CSAG1: variants seen among roughly 807,000 people sequenced by gnomAD.
The protein encoded by CSAG1 is chondrosarcoma associated gene 1, also known as chondrosarcoma-associated gene 1 protein.
In CSAG1, 4 loss-of-function variants were observed where a neutral mutation model predicts 4.8. The observed-to-expected ratio is 0.83, with a 90% CI of 0.41 to 1.90. The LOEUF (loss-of-function observed/expected upper bound fraction) is 1.90, where lower values mean the gene tolerates loss of function less well. CSAG1 is among the 40% of genes most tolerant of loss of function. The pLI is 0.03. For synonymous variants in CSAG1, 21 were observed against 23.1 expected (o/e 0.91, Z 0.26); for missense variants, 69 against 59.5 (o/e 1.16, Z -0.53).
chrX:152,727,987 A>G, intron 3 of CSAG1, 87 bp downstream of exon 3: 1 of 1,208,361 alleles, frequency 8.3e-7, no homozygotes, highest in Non-Finnish European at 1.1e-6. Context: ...CCAGGGGAGG[A>G]CAGGGTAGGA....
chrX:152,729,340 C>T (rs1287653093), intron 2 of CSAG1, among the ~76,000 whole-genome samples: 2 of 112,013 alleles, frequency 1.8e-5, no homozygotes, highest in Admixed American at 1.9e-4. Flanking sequence ...ACACCAAAAG[C>T]ATGATCAAGG....
chrX:152,730,625 G>A (rs1263082506), intron 2 of CSAG1, among the ~76,000 whole-genome samples: 1 of 112,047 alleles, frequency 8.9e-6, no homozygotes, highest in Non-Finnish European at 1.9e-5. Flanking sequence ...CCTCCAGAAT[G>A]TGAGAAATAA....
At chrX:152,730,468 T>A (rs782319006) in intron 2 of CSAG1, among the ~76,000 whole-genome samples, 15 of 111,288 alleles carry the variant, frequency 1.3e-4, no homozygotes, top group Non-Finnish European at 2.6e-4. Context: ...ATGAATGGGA[T>A]CAGTGTTTTT....
Position 152,729,516 on chromosome X carries a change from C to T in CSAG1, c.17-1292G>A, listed in dbSNP as rs1208600701. ...ACAATATATGCGAATTCTTAAAGCT[C>T]AGCGATAGAAAAAAATGAAAATAGT... On this transcript the variant is annotated intron_variant, in intron 2 of 3. Transcript: ENST00000452779. Among the ~76,000 whole-genome samples, 3 of 112,030 alleles carry T rather than the reference C, an allele frequency of 2.7e-5. No homozygotes were observed. In the East Asian group the frequency reaches 8.3e-4, roughly 31 times the overall value.
Position 152,727,670 on chromosome X carries a change from T to A in CSAG1, c.*124A>T. On this transcript the variant is annotated 3_prime_UTR_variant, in exon 4 of 4. Transcript: ENST00000452779. ...CCCAAGGAAGCACTGGAGAAGGCGG[T>A]GGTCTCCTTGCCCTTGTGGTCCTGC... 1 of 858,486 alleles carries A rather than the reference T, an allele frequency of 1.2e-6. No individual in the cohort carries two copies. The highest frequency in any genetic ancestry group is 1.7e-6 in the Non-Finnish European group (1 of 577,764). The allele number at this position is 858,486 out of a possible 1,213,427, so 70.7% of individuals were successfully genotyped here.
At chrX:152,729,087 G>A (rs1416490919) in intron 2 of CSAG1, among the ~76,000 whole-genome samples, 1 of 110,424 alleles carries the variant, frequency 9.1e-6, no homozygotes, top group Non-Finnish European at 1.9e-5. Flanking sequence ...CACACATATA[G>A]TCAGGTGATT....
intron 3 of CSAG1, 27 bp downstream of exon 3, chrX:152,728,047 A>G: frequency 8.3e-7 from 1 of 1,210,859 alleles, no homozygotes; most frequent in African/African-American, 1.7e-5. Flanking sequence ...TGGGCCAGGG[A>G]TGAGAGGATG....
Position 152,728,213 on chromosome X carries a change from C to T in CSAG1, c.28G>A (p.Ala10Thr), listed in dbSNP as rs1932065397. MSATTACWP[A>T]FTVLGEARGD... ...CGAGCTTCCCCCAGGACAGTGAAGGCAGGCCAGCAGGCTAGAAACTCACAC... is the reference window on the plus strand; with the variant it reads ...CGAGCTTCCCCCAGGACAGTGAAGGTAGGCCAGCAGGCTAGAAACTCACAC... The change falls in exon 3 of 4, where the codon GCC becomes ACC. Residue 10 changes from alanine (A) to threonine (T), a missense_variant. By Grantham distance (58) the Ala-to-Thr change is moderately conservative. Coordinates refer to ENST00000452779, the MANE Select transcript of CSAG1 (RefSeq NM_001102576.3). 8.3e-7 allele frequency: 1 copy of T among 1,208,577 alleles called. No individual in the cohort carries two copies. Among genetic ancestry groups the T allele is most frequent in the Admixed American group, 2.2e-5 (1 of 46,034 alleles).
chrX:152,732,373 A>G, intron 2 of CSAG1, 72 bp downstream of exon 2: 6 of 1,145,747 alleles, frequency 5.2e-6, no homozygotes, highest in Non-Finnish European at 5.8e-6. Context: ...AGTATAACAT[A>G]TTCATTCATG....
chrX:152,731,775 GA>G (rs1932160718), intron 2 of CSAG1, among the ~76,000 whole-genome samples: 5 of 110,628 alleles, frequency 4.5e-5, no homozygotes, highest in African/African-American at 3.3e-5. Flanking sequence ...AAATGGAGGA[GA>G]AAAAATTTGA....
intron 3 of CSAG1, 23 bp downstream of exon 3, chrX:152,728,051 G>C (rs1482011469): frequency 1.7e-6 from 2 of 1,209,227 alleles, no homozygotes; most frequent in Non-Finnish European, 2.2e-6. Context: ...CCAGGGATGA[G>C]AGGATGCTTT....
At chrX:152,732,571 A>G in intron 1 of CSAG1, 67 bp from the exon 2 acceptor site, 1 of 1,136,358 alleles carries the variant, frequency 8.8e-7, no homozygotes, top group South Asian at 1.9e-5. Context: ...TACACAACAA[A>G]ACAGGGCCAG....
chrX:152,730,423 T>C (rs1556228600), intron 2 of CSAG1, among the ~76,000 whole-genome samples: 1 of 111,494 alleles, frequency 9.0e-6, no homozygotes, highest in East Asian at 2.8e-4. Context: ...GGTGGGGTAT[T>C]TGGAGAATGA....
intron 2 of CSAG1, among the ~76,000 whole-genome samples, chrX:152,732,014 A>G (rs1371062696): frequency 2.7e-5 from 3 of 112,367 alleles, no homozygotes; most frequent in East Asian, 5.6e-4. Context: ...ACAAAAAGCT[A>G]TAAGTATCAA....
In CSAG1 at chrX:152,728,430, ACAC is replaced by A. The variant is rs1485267458; in HGVS notation, c.17-209_17-207del. On this transcript the variant is annotated intron_variant, in intron 2 of 3. Transcript: ENST00000452779. The stretch of plus-strand genomic sequence containing the variant: ...GCAACATCTAGACTACTGTTTGACC[ACAC>A]AGCTGAGCAGTATAGCCTAGACAAG... Among the ~76,000 whole-genome samples, 9 of 112,515 alleles carry A rather than the reference ACAC, an allele frequency of 8.0e-5. No individual in the cohort carries two copies. In the East Asian group the frequency reaches 2.2e-3, roughly 28 times the overall value.
At chrX:152,730,029 C>T (rs1489392270) in intron 2 of CSAG1, among the ~76,000 whole-genome samples, 1 of 54,214 alleles carries the variant, frequency 1.8e-5, no homozygotes, top group South Asian at 9.1e-4. Flanking sequence ...CACACACACA[C>T]GCATTAAAAT....
intron 1 of CSAG1, 90 bp from the exon 2 acceptor site, chrX:152,732,594 C>T: frequency 2.9e-6 from 3 of 1,050,989 alleles, no homozygotes; most frequent in South Asian, 4.1e-5. Flanking sequence ...CAGGGTGAGA[C>T]TGAAGACCTT....
intron 2 of CSAG1, among the ~76,000 whole-genome samples, chrX:152,731,285 C>T (rs782686667): frequency 8.6e-4 from 96 of 111,847 alleles, no homozygotes; most frequent in Non-Finnish European, 1.6e-3. Flanking sequence ...ACAAATATGC[C>T]ATTAAAAGTG....
chrX:152,733,322 CTT>C (rs1362533810), intron 1 of CSAG1: 1 of 112,376 alleles, frequency 8.9e-6, no homozygotes, highest in African/African-American at 3.2e-5. Context: ...AGAGGACCCT[CTT>C]GAGTGAGGAC....
Sources: allele counts gnomAD v4.1 joint callset (sites outside exome capture counted in the v4.1 genomes callset), GRCh38; gene constraint gnomAD v4.1.1; transcripts MANE v1.5; gene names NCBI Gene and HGNC (gene_info 2026-07-23, HGNC 2026-07-21).